The following MBNL3 variants were observed in gnomAD, a reference collection of about 807,000 sequenced individuals.
The protein encoded by MBNL3 is muscleblind like splicing regulator 3, also known as muscleblind-like protein 3.
A neutral mutation model predicts 24.5 loss-of-function variants in MBNL3; 6 were observed. That is an observed-to-expected ratio of 0.25 (90% CI 0.13 to 0.48). The LOEUF is 0.48. Ranked by LOEUF, MBNL3 falls within the 20% of genes least tolerant of loss-of-function variation. MBNL3 has a pLI of 0.99. For missense variants in MBNL3, 230 were observed against 293.5 expected, an observed-to-expected ratio of 0.78 and a Z score of 1.58; for synonymous variants, 100 against 101.7, an observed-to-expected ratio of 0.98 and a Z score of 0.10.
At chrX:132,480,624 C>T (rs1262614694) in intron 1 of MBNL3, among the ~76,000 whole-genome samples, 1 of 111,877 alleles carries the variant, frequency 8.9e-6, no homozygotes, top group African/African-American at 3.3e-5. Flanking sequence ...GGAGGCACCA[C>T]ATCCATACCC....
At chrX:132,456,734 T>TC (rs779864430) in intron 1 of MBNL3, among the ~76,000 whole-genome samples, 34 of 111,740 alleles carry the variant, frequency 3.0e-4, no homozygotes, top group Non-Finnish European at 6.0e-4. Flanking sequence ...ATAAAAAATC[T>TC]CCAAGTTCTC....
chrX:132,401,610 C>CAAAAAAAAAAAAAAAAAA (rs536128391), intron 3 of MBNL3, among the ~76,000 whole-genome samples: 1 of 82,821 alleles, frequency 1.2e-5, no homozygotes, highest in South Asian at 5.5e-4. Context: ...TACCGTGTCT[C>CAAAAAAAAAAAAAAAAAA]AAAAAAAAAA....
chrX:132,445,141 GT>G (rs1255539116), intron 1 of MBNL3, among the ~76,000 whole-genome samples: 5 of 111,575 alleles, frequency 4.5e-5, no homozygotes, highest in Non-Finnish European at 9.4e-5. Flanking sequence ...TGAAAACAAT[GT>G]TTTCTTTGTT....
intron 1 of MBNL3, among the ~76,000 whole-genome samples, chrX:132,455,218 A>G (rs1946314191): frequency 1.8e-5 from 2 of 111,762 alleles, no homozygotes; most frequent in African/African-American, 6.5e-5. Context: ...AGTAGAGGGG[A>G]GCTGGAAAGG....
At position 132,449,984 on chromosome X, in the gene MBNL3, C is replaced by T. The variant is rs982256532; in HGVS notation, c.-703-9670G>A. Reference sequence around the variant, plus strand: ...TTAAGAATGCTGAATATTGCCCCCCCCCCCCCCCCGCCACTTCTGGCTTGT... The same window carrying T: ...TTAAGAATGCTGAATATTGCCCCCCTCCCCCCCCCGCCACTTCTGGCTTGT... On this transcript the variant is annotated intron_variant, in intron 1 of 8. Transcript: ENST00000370853. 9.0e-5 allele frequency among the ~76,000 whole-genome samples: 6 copies of T among 66,478 alleles called. 1 individual carries two copies. The highest frequency in any genetic ancestry group is 2.9e-4 in the African/African-American group (6 of 20,658). 57.7% of individuals were successfully genotyped at this position (66,478 alleles called of 115,157 possible).
chrX:132,440,084 A>T lies in MBNL3; in HGVS notation c.-473T>A, dbSNP rs942642197. On this transcript the variant is annotated 5_prime_UTR_variant, in exon 2 of 9. Coordinates refer to ENST00000370853, the MANE Select transcript of MBNL3 (RefSeq NM_001386889.1). ...TAACAAGATTGGGAAGGATGTTAGA[A>T]CCCAAAAAAAGTTTCGTTGCAAAAT... is the stretch of plus-strand genomic sequence containing the variant. Among the ~76,000 whole-genome samples the T allele has an allele frequency of 5.4e-5, 6 of 111,230 alleles. No homozygotes were observed. The highest frequency in any genetic ancestry group is 1.6e-4 in the African/African-American group (5 of 30,559).
chrX:132,476,887 G>A (rs1202573301), intron 1 of MBNL3, among the ~76,000 whole-genome samples: 2 of 111,598 alleles, frequency 1.8e-5, no homozygotes, highest in African/African-American at 6.5e-5. Flanking sequence ...CTACATGCTT[G>A]TTACAGCTGA....
upstream of MBNL3, chrX:132,489,060 TA>T (rs778633632): frequency 1.1e-4 from 12 of 113,304 alleles, no homozygotes; most frequent in Non-Finnish European, 2.3e-4. Context: ...AATCATTAGA[TA>T]TAAGCAAATT....
chrX:132,417,071 T>C (rs980477626), intron 2 of MBNL3, among the ~76,000 whole-genome samples: 2 of 111,960 alleles, frequency 1.8e-5, no homozygotes, highest in Non-Finnish European at 3.8e-5. Context: ...AAAGCTCTAA[T>C]GAAACTGCTG....
chrX:132,394,962 C>G (rs902308674), intron 3 of MBNL3, among the ~76,000 whole-genome samples: 8 of 112,067 alleles, frequency 7.1e-5, no homozygotes, highest in Non-Finnish European at 1.3e-4. Context: ...TAAGGTTTCA[C>G]CACAAACTAT....
At chrX:132,425,824 T>TA (rs1179158704) in intron 2 of MBNL3, among the ~76,000 whole-genome samples, 1 of 111,888 alleles carries the variant, frequency 8.9e-6, no homozygotes, top group Admixed American at 9.5e-5. Flanking sequence ...AGTAATTTTT[T>TA]AAAAAAATCC....
chrX:132,489,840 G>A (rs951474404), upstream of MBNL3: 3 of 110,921 alleles, frequency 2.7e-5, no homozygotes, highest in Non-Finnish European at 5.7e-5. Flanking sequence ...CTGCGGGACG[G>A]GCGGGAATGC....
rs763755448 is a variant in MBNL3, at chrX:132,439,578, T to C, written c.34A>G (p.Thr12Ala). The change falls in exon 2 of 9, where the codon ACC becomes GCC. Residue 12 changes from threonine (T) to alanine (A), a missense_variant. By Grantham distance (58) the Thr-to-Ala change is moderately conservative. Transcript: ENST00000370853. ...CAGACTTCTAAAGTCAGCCACTTGG[T>C]ATCACGAATCAGGGCAACATTGACA... ...TAVNVALIRD[T>A]KWLTLEVCRE... The C allele has an allele frequency of 3.1e-5, 37 of 1,203,569 alleles. No individual in the cohort carries two copies. Among genetic ancestry groups the C allele is most frequent in the Non-Finnish European group, 3.8e-5 (34 of 892,753 alleles).
intron 2 of MBNL3, chrX:132,431,433 C>T (rs1356326174): frequency 8.9e-6 from 1 of 111,853 alleles, no homozygotes; most frequent in Admixed American, 9.4e-5. Flanking sequence ...TAGTTTCTTG[C>T]TCAAGTTATT....
intron 3 of MBNL3, among the ~76,000 whole-genome samples, chrX:132,394,960 C>T: frequency 8.9e-6 from 1 of 112,115 alleles, no homozygotes; most frequent in Middle Eastern, 4.6e-3. Context: ...TCTAAGGTTT[C>T]ACCACAAACT....
intron 3 of MBNL3, among the ~76,000 whole-genome samples, chrX:132,397,408 C>G (rs1939986302): frequency 9.0e-6 from 1 of 111,198 alleles, no homozygotes; most frequent in Admixed American, 9.6e-5. Context: ...GTAGTTACCT[C>G]AAAAATATCC....
chrX:132,406,449 T>G, intron 2 of MBNL3, 57 bp from the exon 3 acceptor site: 1 of 1,054,798 alleles, frequency 9.5e-7, no homozygotes, highest in Non-Finnish European at 1.3e-6. Flanking sequence ...ATAGATAAAT[T>G]TTGGACTCCA....
chrX:132,439,520 G>A lies in MBNL3; in HGVS notation c.92C>T (p.Ala31Val). 1 of 1,208,934 alleles carries A rather than the reference G, an allele frequency of 8.3e-7. No individual in the cohort carries two copies. The change falls in exon 2 of 9, where the codon GCT becomes GTT. Residue 31 changes from alanine (A) to valine (V), a missense_variant. Coordinates refer to ENST00000370853, the MANE Select transcript of MBNL3 (RefSeq NM_001386889.1). ...ATGGGCAAACTTGCAATCTGCATCAGCTCGAGAGCAAGTTCCTCTCTGAAA... is the reference window on the plus strand; with the variant it reads ...ATGGGCAAACTTGCAATCTGCATCAACTCGAGAGCAAGTTCCTCTCTGAAA... ...REFQRGTCSR[A>V]DADCKFAHPP...
chrX:132,396,939 TATATATATTC>T lies in MBNL3; in HGVS notation c.343-4615_343-4606del, dbSNP rs1361892088. 1.9e-3 allele frequency among the ~76,000 whole-genome samples: 150 copies of T among 80,250 alleles called. 1 individual carries two copies. The highest frequency in any genetic ancestry group is 3.0e-3 in the Non-Finnish European group (130 of 43,868). 69.7% of individuals were successfully genotyped at this position (80,250 alleles called of 115,157 possible). A position where few individuals can be genotyped will look rare whatever the true frequency, so the allele number is the denominator to read the frequency against. The stretch of plus-strand genomic sequence containing the variant: ...ACATATATATTCATATATACATTCA[TATATATATTC>T]ATATATATTCATATATATATGAATA... On this transcript the variant is annotated intron_variant, in intron 3 of 8. Coordinates refer to ENST00000370853, the MANE Select transcript of MBNL3 (RefSeq NM_001386889.1).
Sources: allele counts gnomAD v4.1 joint callset (sites outside exome capture counted in the v4.1 genomes callset), GRCh38; gene constraint gnomAD v4.1.1; transcripts MANE v1.5; gene names NCBI Gene and HGNC (gene_info 2026-07-23, HGNC 2026-07-21).